The following TAMM41 variants were observed in gnomAD, a reference collection of about 807,000 sequenced individuals.
The protein encoded by TAMM41 is phosphatidate cytidylyltransferase, mitochondrial.
In TAMM41, 36 loss-of-function variants were observed where a neutral mutation model predicts 44.1. That is an observed-to-expected ratio of 0.82 (90% confidence interval 0.63 to 1.08). TAMM41 has a LOEUF of 1.08. Among genes scored for constraint, TAMM41 ranks in the 50% least tolerant of loss-of-function variants. TAMM41 has a pLI of 0.00. For missense variants in TAMM41, 417 were observed against 404.3 expected, an observed-to-expected ratio of 1.03 and a Z score of -0.27; for synonymous variants, 164 against 153.1, an observed-to-expected ratio of 1.07 and a Z score of -0.53.
chr3:11,760,125 T>C, the TAMM41 span, among the ~76,000 whole-genome samples: 1 of 152,230 alleles, frequency 6.6e-6, no homozygotes, highest in Non-Finnish European at 1.5e-5. Context: ...GTAAGCTTTT[T>C]TTCATTAAGG....
rs776656766 is a variant in TAMM41 at position 11,809,613 on chromosome 3, TTA to T, written c.776_777del (p.Ile259LysfsTer23). On this transcript the variant is annotated frameshift_variant, in exon 6 of 8. Coordinates refer to ENST00000455809, the MANE Select transcript of TAMM41 (RefSeq NM_001284401.2). LOFTEE classifies it high-confidence loss of function. ...MTLPKTLQQQINHIMDPPGKN... is the reference protein window; with the variant it reads ...MTLPKTLQQQXNHIMDPPGKN... The stretch of plus-strand genomic sequence containing the variant: ...TTTCCAGGAGGGTCCATAATATGAT[TTA>T]TCTGTTGCTGTAAGGTTTTGGGCAA... The T allele has an allele frequency of 1.9e-6, 3 of 1,614,038 alleles. No individual in the cohort carries two copies. The African/African-American group carries it at 4.0e-5, about 22-fold the overall frequency.
intron 3 of TAMM41, among the ~76,000 whole-genome samples, chr3:11,834,627 T>C (rs1389465939): frequency 3.3e-5 from 5 of 152,220 alleles, no homozygotes; most frequent in African/African-American, 9.6e-5. Flanking sequence ...TGGTAAAGTA[T>C]GATAAAAATT....
the TAMM41 span, among the ~76,000 whole-genome samples, chr3:11,760,927 G>A: frequency 6.6e-6 from 1 of 151,692 alleles, no homozygotes; most frequent in African/African-American, 2.4e-5. Context: ...AGCACTTTGG[G>A]AGGCCGAGGT....
chr3:11,770,585 T>A, the TAMM41 span, among the ~76,000 whole-genome samples: 1 of 152,296 alleles, frequency 6.6e-6, no homozygotes, highest in Middle Eastern at 3.4e-3. Flanking sequence ...CTCAGGGTAG[T>A]AACACTGCTG....
chr3:11,825,396 C>T (rs1559304882), intron 4 of TAMM41, among the ~76,000 whole-genome samples: 1 of 152,168 alleles, frequency 6.6e-6, no homozygotes, highest in Non-Finnish European at 1.5e-5. Context: ...TTCCAAAGTC[C>T]TGAGGCAGTC....
chr3:11,794,926 C>G (rs1284061709), intron 7 of TAMM41, among the ~76,000 whole-genome samples: 1 of 152,176 alleles, frequency 6.6e-6, no homozygotes, highest in African/African-American at 2.4e-5. Flanking sequence ...CAAAGAAAAT[C>G]TCTTCTGAGG....
chr3:11,776,217 A>G, the TAMM41 span, among the ~76,000 whole-genome samples: 1 of 151,008 alleles, frequency 6.6e-6, no homozygotes, highest in Non-Finnish European at 1.5e-5. Context: ...ATGGGGTTTC[A>G]CCGTGTTAGC....
intron 7 of TAMM41, among the ~76,000 whole-genome samples, chr3:11,803,707 T>C (rs1483381352): frequency 6.6e-6 from 1 of 152,206 alleles, no homozygotes; most frequent in Non-Finnish European, 1.5e-5. Flanking sequence ...ATAACAAAAA[T>C]GTGTATATAT....
intron 1 of TAMM41, among the ~76,000 whole-genome samples, chr3:11,845,432 T>C (rs745523444): frequency 2.0e-5 from 3 of 152,204 alleles, no homozygotes; most frequent in Non-Finnish European, 2.9e-5. Flanking sequence ...CATGGAAGAA[T>C]GAAGAGGTGG....
intron 4 of TAMM41, chr3:11,826,696 A>G (rs968621045): frequency 1.1e-4 from 4 of 37,198 alleles, no homozygotes. Flanking sequence ...CAAATAAAAC[A>G]AAAAAGAAAG....
chr3:11,785,483 G>A (rs1225612870), downstream of TAMM41, among the ~76,000 whole-genome samples: 1 of 152,050 alleles, frequency 6.6e-6, no homozygotes, highest in Non-Finnish European at 1.5e-5. Context: ...CCCCTACCAT[G>A]CCCAGCTAAG....
At chr3:11,752,020 A>G in the TAMM41 span, among the ~76,000 whole-genome samples, 2 of 152,124 alleles carry the variant, frequency 1.3e-5, no homozygotes, top group African/African-American at 2.4e-5. Flanking sequence ...TGTGAGGGAC[A>G]CTCAGGCAGG....
At chr3:11,786,693 T>C (rs1476449015), downstream of TAMM41, among the ~76,000 whole-genome samples, 1 of 152,052 alleles carries the variant, frequency 6.6e-6, no homozygotes, top group African/African-American at 2.4e-5. Context: ...CTCAACCTTC[T>C]AGGCTCAAGC....
At chr3:11,833,086 A>G (rs2079046114) in intron 3 of TAMM41, 9 of 1,275,508 alleles carry the variant, frequency 7.1e-6, no homozygotes, top group Non-Finnish European at 9.2e-6. Flanking sequence ...AACTTGTCTC[A>G]GCAGCACTGT....
At chr3:11,743,677 A>G in the TAMM41 span, among the ~76,000 whole-genome samples, 1 of 152,030 alleles carries the variant, frequency 6.6e-6, no homozygotes, top group Non-Finnish European at 1.5e-5. Context: ...TATAAGTTGG[A>G]GTGGATTCTG....
chr3:11,841,471 C>T lies in TAMM41; in HGVS notation c.319-2157G>A, dbSNP rs147484865. On this transcript the variant is annotated intron_variant, in intron 2 of 7. Transcript: ENST00000455809. ...ATTTGCATAAACAAGTATCTTCAGA[C>T]CCACTTTGCTGAACCTCAGTATCCA... Among the ~76,000 whole-genome samples the T allele has an allele frequency of 9.6e-4, 146 of 152,270 alleles. 3 individuals carry two copies. In the East Asian group the frequency reaches 0.027, roughly 29 times the overall value.
intron 5 of TAMM41, among the ~76,000 whole-genome samples, chr3:11,811,946 G>C (rs1306791717): frequency 6.6e-6 from 1 of 152,136 alleles, no homozygotes; most frequent in Non-Finnish European, 1.5e-5. Flanking sequence ...TATTATTTTT[G>C]AGACAGAGTC....
chr3:11,776,697 A>C, the TAMM41 span, among the ~76,000 whole-genome samples: 1 of 152,192 alleles, frequency 6.6e-6, no homozygotes, highest in East Asian at 1.9e-4. Flanking sequence ...TATCCCTGTC[A>C]TTAAGTGACA....
the TAMM41 span, among the ~76,000 whole-genome samples, chr3:11,761,816 G>A: frequency 1.3e-5 from 2 of 151,372 alleles, no homozygotes; most frequent in African/African-American, 2.4e-5. Flanking sequence ...GCGTGGTGGC[G>A]AGCACCTGTA....
Sources: allele counts gnomAD v4.1 joint callset (sites outside exome capture counted in the v4.1 genomes callset), GRCh38; gene constraint gnomAD v4.1.1; transcripts MANE v1.5; gene names NCBI Gene and HGNC (gene_info 2026-07-23, HGNC 2026-07-21).